HIPK2: variants seen among roughly 807,000 people sequenced by gnomAD.
HIPK2 encodes the protein homeodomain-interacting protein kinase 2.
HIPK2 carries 27 observed loss-of-function variants against 113.7 expected under a neutral mutation model. The observed-to-expected ratio is 0.24, with a 90% CI of 0.17 to 0.33. The LOEUF (loss-of-function observed/expected upper bound fraction) is 0.33, where lower values mean the gene tolerates loss of function less well. HIPK2 is among the 10% of genes least tolerant of loss of function. The pLI, the probability that HIPK2 is intolerant of heterozygous loss-of-function variation, is 1.00. For missense variants in HIPK2, 1,257 were observed against 1,588.0 expected, an observed-to-expected ratio of 0.79 and a Z score of 3.54; for synonymous variants, 631 against 642.2, an observed-to-expected ratio of 0.98 and a Z score of 0.26.
chr7:139,591,080 C>T (rs1396178151), intron 12 of HIPK2, among the ~76,000 whole-genome samples: 1 of 152,196 alleles, frequency 6.6e-6, no homozygotes, highest in Admixed American at 6.5e-5. Flanking sequence ...CTCTTGGCCT[C>T]AAGTGATCCT....
At chr7:139,664,294 T>C (rs917335125) in intron 2 of HIPK2, among the ~76,000 whole-genome samples, 3 of 152,194 alleles carry the variant, frequency 2.0e-5, no homozygotes, top group African/African-American at 4.8e-5. Context: ...CCCAGCAACT[T>C]TGGGAGGCCA....
At chr7:139,642,144 G>A (rs905308132) in intron 2 of HIPK2, among the ~76,000 whole-genome samples, 1 of 152,216 alleles carries the variant, frequency 6.6e-6, no homozygotes, top group African/African-American at 2.4e-5. Context: ...TATGTAGATT[G>A]AAAGTAACCT....
In HIPK2 at chr7:139,614,863, C is replaced by A. The variant is rs193091978; in HGVS notation, c.1783-370G>T. Among the ~76,000 whole-genome samples the A allele has an allele frequency of 4.6e-5, 7 of 152,356 alleles. No individual in the cohort carries two copies. In the East Asian group the frequency reaches 1.2e-3, roughly 25 times the overall value. The stretch of plus-strand genomic sequence containing the variant: ...CTGCCTTTTCATTTTGACAAATACA[C>A]CTTCCCAATAACCGGGAAGACCAGG... On this transcript the variant is annotated intron_variant, in intron 7 of 14. Coordinates refer to ENST00000406875, the MANE Select transcript of HIPK2 (RefSeq NM_022740.5).
In HIPK2 at chr7:139,596,855, C is replaced by A; in HGVS notation, c.2579G>T (p.Gly860Val). 6.2e-7 allele frequency: 1 copy of A among 1,613,968 alleles called. No individual in the cohort carries two copies. The highest frequency in any genetic ancestry group is 8.5e-7 in the Non-Finnish European group (1 of 1,179,896). ...ACSTSVTCGW[G>V]DVASSTTRER... ...CCGGGTGGTGCTGGAGGCCACGTCG[C>A]CCCACCCACAGGTGACCGAGGTGCT... Residue 860 changes from glycine (G) to valine (V), a missense_variant, in exon 12 of 15, where the codon GGC becomes GTC. By Grantham distance (109) the Gly-to-Val change is moderately radical. Around this residue, in one of 5 missense-constraint regions of HIPK2, gnomAD observed 862 missense variants for 1,004.3 expected, o/e 0.86. Coordinates refer to ENST00000406875, the MANE Select transcript of HIPK2 (RefSeq NM_022740.5).
chr7:139,650,904 A>T (rs1170974684), intron 2 of HIPK2, among the ~76,000 whole-genome samples: 1 of 152,248 alleles, frequency 6.6e-6, no homozygotes, highest in Non-Finnish European at 1.5e-5. Context: ...GCCTGGGCTA[A>T]GAGCTCACCG....
intron 2 of HIPK2, among the ~76,000 whole-genome samples, chr7:139,632,675 C>T (rs963554595): frequency 1.3e-5 from 2 of 152,160 alleles, no homozygotes; most frequent in African/African-American, 4.8e-5. Context: ...AGAGACCACC[C>T]AGGTACATCT....
At chr7:139,595,679 G>A (rs2116643438) in intron 12 of HIPK2, among the ~76,000 whole-genome samples, 1 of 152,266 alleles carries the variant, frequency 6.6e-6, no homozygotes, top group South Asian at 2.1e-4. Context: ...TCATTATAAA[G>A]AGGGAAGGGA....
chr7:139,641,267 A>C (rs1034298181), intron 2 of HIPK2, among the ~76,000 whole-genome samples: 4 of 151,462 alleles, frequency 2.6e-5, no homozygotes, highest in African/African-American at 9.7e-5. Context: ...TGGGAGGCTG[A>C]GGCAGGAGAA....
intron 2 of HIPK2, among the ~76,000 whole-genome samples, chr7:139,711,584 A>C (rs927671555): frequency 6.6e-6 from 1 of 152,236 alleles, no homozygotes; most frequent in African/African-American, 2.4e-5. Context: ...AGAAACCAAA[A>C]AAAATCTATA....
chr7:139,715,251 G>T (rs370685420), intron 2 of HIPK2, among the ~76,000 whole-genome samples: 1 of 152,104 alleles, frequency 6.6e-6, no homozygotes, highest in Non-Finnish European at 1.5e-5. Context: ...TCCCTGCCAC[G>T]GACACTATCA....
rs555705168 is a variant in HIPK2 at position 139,629,057 on chromosome 7, A to G, written c.1348-18T>C. On this transcript the variant is annotated intron_variant, in intron 4 of 14. Transcript: ENST00000406875. ...TCTGGTGTCTGTCAAGAGAGGCAAAAGCCAATTGGTAGCGTGACTTAGCTC... is the reference window on the plus strand; with the variant it reads ...TCTGGTGTCTGTCAAGAGAGGCAAAGGCCAATTGGTAGCGTGACTTAGCTC... 2 of 1,576,108 alleles carry G rather than the reference A, an allele frequency of 1.3e-6. No individual in the cohort carries two copies. The highest frequency in any genetic ancestry group is 4.6e-5 in the East Asian group (2 of 43,682).
Position 139,614,420 on chromosome 7 carries a change from A to G in HIPK2, c.1856T>C (p.Leu619Pro). 1 of 1,558,044 alleles carries G rather than the reference A, an allele frequency of 6.4e-7. No individual in the cohort carries two copies. The highest frequency in any genetic ancestry group is 8.7e-7 in the Non-Finnish European group (1 of 1,146,732). ...EVSILNYPST[L>P]YQPSAASMAA... ...CATGGATGCCGCTGAGGGCTGGTAG[A>G]GTGTAGATGGGTAGTTTAGTATGGA... Residue 619 changes from leucine (L) to proline (P), a missense_variant, in exon 8 of 15, where the codon CTC (leucine) becomes CCC (proline). By Grantham distance (98) the Leu-to-Pro change is moderately conservative. Coordinates refer to ENST00000406875, the MANE Select transcript of HIPK2 (RefSeq NM_022740.5).
chr7:139,605,984 G>C, intron 9 of HIPK2, among the ~76,000 whole-genome samples: 1 of 152,166 alleles, frequency 6.6e-6, no homozygotes. Context: ...AAAAGCATTA[G>C]TTTTAACTAA....
chr7:139,645,931 C>A (rs1801203563), intron 2 of HIPK2, among the ~76,000 whole-genome samples: 1 of 152,114 alleles, frequency 6.6e-6, no homozygotes, highest in Admixed American at 6.5e-5. Context: ...ACAAAATGGG[C>A]ATAAACTCCA....
At chr7:139,697,983 C>T (rs2116829589) in intron 2 of HIPK2, among the ~76,000 whole-genome samples, 1 of 151,864 alleles carries the variant, frequency 6.6e-6, no homozygotes, top group Non-Finnish European at 1.5e-5. Context: ...GATTCTCATG[C>T]CTCAGCCTCC....
chr7:139,618,572 G>A lies in HIPK2; in HGVS notation c.1782+1829C>T, dbSNP rs77169093. 4.2e-3 allele frequency among the ~76,000 whole-genome samples: 639 copies of A among 152,276 alleles called. 6 individuals are homozygous for A. The highest frequency in any genetic ancestry group is 0.014 in the Middle Eastern group (4 of 294). ...TCTTATTTGACAACTGCCTTTTGAT[G>A]AGCAACCCTTTTAGTTTTGCAGAGT... On this transcript the variant is annotated intron_variant, in intron 7 of 14. Coordinates refer to ENST00000406875, the MANE Select transcript of HIPK2 (RefSeq NM_022740.5).
chr7:139,631,333 A>C lies in HIPK2; in HGVS notation c.1228-49T>G. 1 of 1,570,946 alleles carries C rather than the reference A, an allele frequency of 6.4e-7. No individual in the cohort carries two copies. Among genetic ancestry groups the C allele is most frequent in the Non-Finnish European group, 8.6e-7 (1 of 1,156,846 alleles). On this transcript the variant is annotated intron_variant, in intron 3 of 14. Coordinates refer to ENST00000406875, the MANE Select transcript of HIPK2 (RefSeq NM_022740.5). This position sits in a 1 kb window ranked among gnomAD's most constrained non-coding sequence, Gnocchi z 4.9. ...GTCAGGGCTTTTCCTGTCACTATAC[A>C]TATGGTATACTAATGGCTCTGCTGG... is the stretch of plus-strand genomic sequence containing the variant.
intron 2 of HIPK2, among the ~76,000 whole-genome samples, chr7:139,666,473 T>C (rs1343082554): frequency 6.6e-6 from 1 of 152,208 alleles, no homozygotes; most frequent in Non-Finnish European, 1.5e-5. Context: ...CTGGCAAATA[T>C]CATCTTCTTC....
intron 1 of HIPK2, among the ~76,000 whole-genome samples, chr7:139,763,550 T>C (rs1796505725): frequency 7.1e-6 from 1 of 141,104 alleles, no homozygotes; most frequent in Admixed American, 7.4e-5. Context: ...ACAACTTCAG[T>C]AACGGCGGCA....
Sources: allele counts gnomAD v4.1 joint callset (sites outside exome capture counted in the v4.1 genomes callset), GRCh38; gene constraint gnomAD v4.1.1; regional missense constraint gnomAD v4.1.1; non-coding constraint Gnocchi (gnomAD v3.1); transcripts MANE v1.5; gene names NCBI Gene and HGNC (gene_info 2026-07-23, HGNC 2026-07-21).